LRP5: variants seen among roughly 807,000 people sequenced by gnomAD.
LRP5 encodes low-density lipoprotein receptor-related protein 5.
In LRP5, 62 loss-of-function variants were observed where a neutral mutation model predicts 154.1. The ratio of observed to expected loss-of-function variants is 0.40; its 90% CI spans 0.33 to 0.50. The LOEUF (loss-of-function observed/expected upper bound fraction) is 0.50, where lower values mean the gene tolerates loss of function less well. Among genes scored for constraint, LRP5 ranks in the 20% least tolerant of loss-of-function variants. The pLI, the probability that LRP5 is intolerant of heterozygous loss-of-function variation, is 0.55. For missense variants in LRP5, 1,915 were observed against 2,336.7 expected (o/e 0.82, Z 3.72); for synonymous variants, 966 against 1,011.5 (o/e 0.96, Z 0.85).
intron 18 of LRP5, among the ~76,000 whole-genome samples, chr11:68,435,141 A>G (rs2098674152): frequency 6.6e-6 from 1 of 152,208 alleles, no homozygotes. Context: ...CTGGAGACCT[A>G]CGGCCTTCAA....
intron 9 of LRP5, among the ~76,000 whole-genome samples, chr11:68,407,576 C>T (rs1055127086): frequency 6.6e-6 from 1 of 151,090 alleles, no homozygotes; most frequent in Non-Finnish European, 1.5e-5. Context: ...TGCGGTGGCT[C>T]ACACCTGTAA....
At chr11:68,364,332 ATATG>A (rs1030837866) in intron 4 of LRP5, among the ~76,000 whole-genome samples, 2 of 150,974 alleles carry the variant, frequency 1.3e-5, no homozygotes, top group African/African-American at 4.9e-5. Flanking sequence ...GTATATATAT[ATATG>A]GTTATTTATA....
At chr11:68,439,965 C>G in intron 21 of LRP5, 49 bp downstream of exon 21, 1 of 1,469,848 alleles carries the variant, frequency 6.8e-7, no homozygotes, top group Admixed American at 2.1e-5. Context: ...GCTGTGGGCC[C>G]CTCCCACCGT....
intron 3 of LRP5, among the ~76,000 whole-genome samples, chr11:68,360,812 A>G (rs2098627238): frequency 6.6e-6 from 1 of 151,588 alleles, no homozygotes; most frequent in East Asian, 1.9e-4. Flanking sequence ...CCTGGCTAAC[A>G]CGGTGAAACC....
the LRP5 span, among the ~76,000 whole-genome samples, chr11:68,301,630 A>AT: frequency 2.4e-3 from 348 of 143,440 alleles, 19 homozygotes; most frequent in Non-Finnish European, 2.7e-3. Flanking sequence ...TTATTTATTT[A>AT]TTTTTTTTTT....
intron 9 of LRP5, among the ~76,000 whole-genome samples, chr11:68,409,376 TA>T (rs969830291): frequency 1.4e-5 from 2 of 147,100 alleles, no homozygotes; most frequent in African/African-American, 5.0e-5. Context: ...CATTTATAAA[TA>T]CACATTTATA....
chr11:68,329,708 T>C (rs1591181285), intron 1 of LRP5, among the ~76,000 whole-genome samples: 1 of 152,250 alleles, frequency 6.6e-6, no homozygotes, highest in East Asian at 1.9e-4. Flanking sequence ...GGGGGAGAGC[T>C]ACTCAACTGT....
chr11:68,344,983 C>T (rs1029248893), intron 1 of LRP5, among the ~76,000 whole-genome samples: 1 of 150,724 alleles, frequency 6.6e-6, no homozygotes, highest in Non-Finnish European at 1.5e-5. Flanking sequence ...CTGCCTCAGC[C>T]TCCTTAGCAG....
chr11:68,425,042 C>T, intron 14 of LRP5, 60 bp from the exon 15 acceptor site: 1 of 1,529,868 alleles, frequency 6.5e-7, no homozygotes, highest in Non-Finnish European at 9.0e-7. Context: ...GCCCTGGGCT[C>T]CGTGCTGTCC....
chr11:68,392,008 G>T (rs1265665895), intron 7 of LRP5, among the ~76,000 whole-genome samples: 1 of 152,106 alleles, frequency 6.6e-6, no homozygotes, highest in Non-Finnish European at 1.5e-5. Context: ...CACCCAGCTA[G>T]TTTTTGTGTA....
In LRP5 at chr11:68,449,079, G is replaced by A. The variant is rs371493435; in HGVS notation, c.*9G>A. 97 of 1,529,204 alleles carry A rather than the reference G, an allele frequency of 6.3e-5. No individual in the cohort carries two copies. Among genetic ancestry groups the A allele is most frequent in the Non-Finnish European group, 7.5e-5 (85 of 1,140,480 alleles). 94.7% of individuals were successfully genotyped at this position (1,529,204 alleles called of 1,614,324 possible). ...GCACGGACTCATCCTGACCTCGGCC[G>A]GGCCACTCTGGCTTCTCTGTGCCCC... On this transcript the variant is annotated 3_prime_UTR_variant, in exon 23 of 23. Coordinates refer to ENST00000294304, the MANE Select transcript of LRP5 (RefSeq NM_002335.4).
At chr11:68,411,749 C>A in intron 11 of LRP5, 129 bp downstream of exon 11, 1 of 953,872 alleles carries the variant, frequency 1.0e-6, no homozygotes, top group Non-Finnish European at 1.5e-6. Context: ...TGGCCACACC[C>A]ACGACTGCCC....
intron 7 of LRP5, among the ~76,000 whole-genome samples, chr11:68,392,337 C>G (rs1189479707): frequency 1.3e-5 from 2 of 151,724 alleles, no homozygotes; most frequent in Non-Finnish European, 2.9e-5. Context: ...AATCCAGTCT[C>G]TACTAAAAAT....
rs531126500 is a variant in LRP5, at chr11:68,400,448, G to A, written c.1585-3035G>A. Among the ~76,000 whole-genome samples, 25 of 152,268 alleles carry A rather than the reference G, an allele frequency of 1.6e-4. No homozygotes were observed. In the South Asian group the frequency reaches 1.9e-3, roughly 11 times the overall value. Reference sequence around the variant, plus strand: ...TAATAGTGACCTCTGAGCTGGGCGCGGTGGCTCACGCCTGTAAATCCCAGT... The same window carrying A: ...TAATAGTGACCTCTGAGCTGGGCGCAGTGGCTCACGCCTGTAAATCCCAGT... On this transcript the variant is annotated intron_variant, in intron 7 of 22. Transcript: ENST00000294304.
In LRP5 at chr11:68,353,748, C is replaced by T. The variant is rs553981763; in HGVS notation, c.489-3902C>T. On this transcript the variant is annotated intron_variant, in intron 2 of 22. Coordinates refer to ENST00000294304, the MANE Select transcript of LRP5 (RefSeq NM_002335.4). This position sits in a 1 kb window ranked among gnomAD's most constrained non-coding sequence, Gnocchi z 4.5. ...TCCTCAGAGGAGGGGGTTCCTGCCC[C>T]GGCCATCATCAGGAAGGGGGTCTCT... is the stretch of plus-strand genomic sequence containing the variant. 1.3e-5 allele frequency among the ~76,000 whole-genome samples: 2 copies of T among 152,194 alleles called. No individual in the cohort carries two copies. The highest frequency in any genetic ancestry group is 2.9e-5 in the Non-Finnish European group (2 of 68,024).
intron 1 of LRP5, among the ~76,000 whole-genome samples, chr11:68,335,115 A>C (rs2098604955): frequency 2.2e-5 from 3 of 134,990 alleles, no homozygotes; most frequent in African/African-American, 5.6e-5. Context: ...TTGCTGTGTC[A>C]CCCCAGGCTG....
rs139701701 is a variant in LRP5 at position 68,438,603 on chromosome 11, G to T, written c.4269G>T (p.Pro1423=). The T allele has an allele frequency of 2.2e-5, 35 of 1,613,858 alleles. No homozygotes were observed. Among genetic ancestry groups the T allele is most frequent in the Non-Finnish European group, 2.9e-5 (34 of 1,179,958 alleles). The change falls in exon 20 of 23, where the codon CCG becomes CCT. Residue 1423 remains proline, a synonymous_variant. Coordinates refer to ENST00000294304, the MANE Select transcript of LRP5 (RefSeq NM_002335.4). ...QRYAGANGPF[P]HEYVSGTPHV... is the part of the protein sequence containing the mutation. Reference sequence around the variant, plus strand: ...ATGCGGGGGCCAACGGGCCCTTCCCGCACGAGTATGTCAGCGGGACCCCGC... The same window carrying T: ...ATGCGGGGGCCAACGGGCCCTTCCCTCACGAGTATGTCAGCGGGACCCCGC...
At chr11:68,405,772 C>T (rs1228779240) in intron 8 of LRP5, among the ~76,000 whole-genome samples, 4 of 152,340 alleles carry the variant, frequency 2.6e-5, no homozygotes, top group East Asian at 3.9e-4. Flanking sequence ...AATAAACGAA[C>T]GGTCTGTACT....
At chr11:68,435,051 G>A (rs2153179457) in intron 18 of LRP5, among the ~76,000 whole-genome samples, 1 of 152,346 alleles carries the variant, frequency 6.6e-6, no homozygotes, top group Middle Eastern at 3.4e-3. Flanking sequence ...TTTTCTTGGT[G>A]CACAGCCATG....
Sources: gnomAD v4.1 joint callset for allele counts (sites outside exome capture counted in the v4.1 genomes callset) on GRCh38, gnomAD v4.1.1 for gene constraint, Gnocchi (gnomAD v3.1) non-coding constraint, MANE v1.5 for transcripts, NCBI Gene and HGNC (gene_info 2026-07-23, HGNC 2026-07-21) for gene names.